DLG2: variants seen among roughly 807,000 people sequenced by gnomAD.
DLG2 encodes discs large MAGUK scaffold protein 2, also known as disks large homolog 2.
In DLG2, 45 loss-of-function variants were observed where a neutral mutation model predicts 132.5. The ratio of observed to expected loss-of-function variants is 0.34; its 90% CI spans 0.27 to 0.44. DLG2 has a LOEUF of 0.44. Among genes scored for constraint, DLG2 ranks in the 20% least tolerant of loss-of-function variants. The pLI is 1.00. For synonymous variants in DLG2, 424 were observed against 419.6 expected, an observed-to-expected ratio of 1.01 and a Z score of -0.13; for missense variants, 1,045 against 1,196.9, an observed-to-expected ratio of 0.87 and a Z score of 1.87.
chr11:83,931,439 T>A (rs1214666624), intron 14 of DLG2, among the ~76,000 whole-genome samples: 1 of 152,224 alleles, frequency 6.6e-6, no homozygotes, highest in Non-Finnish European at 1.5e-5. Context: ...TTTCTCAGTC[T>A]GATGTTGACT....
chr11:85,415,617 T>C (rs938949132), intron 3 of DLG2, among the ~76,000 whole-genome samples: 1 of 152,200 alleles, frequency 6.6e-6, no homozygotes, highest in South Asian at 2.1e-4. Flanking sequence ...CCAGTGTTGA[T>C]GAGTTTTTTT....
At chr11:85,354,065 A>C (rs921764686) in intron 3 of DLG2, among the ~76,000 whole-genome samples, 1 of 151,854 alleles carries the variant, frequency 6.6e-6, no homozygotes, top group Non-Finnish European at 1.5e-5. Flanking sequence ...ACTTGGAGGA[A>C]TCAGATGTAT....
chr11:83,966,099 A>T (rs2090132773), intron 12 of DLG2, among the ~76,000 whole-genome samples: 1 of 152,028 alleles, frequency 6.6e-6, no homozygotes, highest in South Asian at 2.1e-4. Flanking sequence ...ATTTGTGCAC[A>T]ACTCTGATAA....
intron 21 of DLG2, among the ~76,000 whole-genome samples, chr11:83,494,943 CT>C (rs2094070085): frequency 6.6e-6 from 1 of 152,184 alleles, no homozygotes; most frequent in Non-Finnish European, 1.5e-5. Flanking sequence ...GACACTCACT[CT>C]ATCTCCTGGA....
intron 4 of DLG2, among the ~76,000 whole-genome samples, chr11:85,284,199 A>T (rs976026759): frequency 6.6e-6 from 1 of 151,890 alleles, no homozygotes; most frequent in Non-Finnish European, 1.5e-5. Flanking sequence ...TAAAATTAGG[A>T]TGATGCTTAT....
intron 4 of DLG2, among the ~76,000 whole-genome samples, chr11:85,230,403 T>C (rs1460719075): frequency 6.6e-6 from 1 of 151,794 alleles, no homozygotes; most frequent in Non-Finnish European, 1.5e-5. Flanking sequence ...AGTATGCTGA[T>C]GTTGAATTAT....
rs2098757834 is a variant in DLG2, at chr11:84,383,848, CTG to C, written c.520-132559_520-132558del. 2.0e-5 allele frequency among the ~76,000 whole-genome samples: 3 copies of C among 152,126 alleles called. No individual in the cohort carries two copies. In the South Asian group the frequency reaches 6.2e-4, roughly 32 times the overall value. On this transcript the variant is annotated intron_variant, in intron 7 of 27. Transcript: ENST00000376104. ...TGTGCTTGGGCTTGACCAAAGGAAA[CTG>C]TGAAATAATAAACATGGTTTGTTTC...
chr11:85,217,413 G>T (rs954791769), intron 4 of DLG2, among the ~76,000 whole-genome samples: 1 of 151,724 alleles, frequency 6.6e-6, no homozygotes, highest in Non-Finnish European at 1.5e-5. Context: ...TGAATTGCAA[G>T]TCTTTGCAAT....
chr11:83,619,107 G>A (rs559314317), intron 19 of DLG2, among the ~76,000 whole-genome samples: 54 of 152,216 alleles, frequency 3.5e-4, no homozygotes, highest in African/African-American at 1.1e-3. Flanking sequence ...TCCTGCAATC[G>A]TCTTATCCTC....
chr11:83,490,876 G>A (rs2093801795), intron 21 of DLG2, among the ~76,000 whole-genome samples: 1 of 151,888 alleles, frequency 6.6e-6, no homozygotes, highest in Non-Finnish European at 1.5e-5. Flanking sequence ...GTGTAGTCCT[G>A]AGTCAGAAAA....
At chr11:84,720,246 C>T in intron 6 of DLG2, 1 of 983,606 alleles carries the variant, frequency 1.0e-6, no homozygotes, top group Non-Finnish European at 1.2e-6. Context: ...GAATTGTTCT[C>T]TCCCCCGAGG....
intron 7 of DLG2, among the ~76,000 whole-genome samples, chr11:84,281,317 C>A (rs1048710687): frequency 7.9e-5 from 12 of 152,020 alleles, no homozygotes; most frequent in African/African-American, 2.7e-4. Context: ...TTAAAAATTT[C>A]TGTTCTTTAA....
chr11:84,510,814 T>TTTTGTTTG (rs150351695), intron 7 of DLG2, among the ~76,000 whole-genome samples: 13 of 151,666 alleles, frequency 8.6e-5, no homozygotes, highest in Middle Eastern at 3.4e-3. Context: ...GATAACTGTT[T>TTTTGTTTG]TTTGTTTGTT....
At chr11:84,102,697 T>C (rs1338770045) in intron 9 of DLG2, among the ~76,000 whole-genome samples, 1 of 152,130 alleles carries the variant, frequency 6.6e-6, no homozygotes, top group African/African-American at 2.4e-5. Context: ...AAGGATTCTT[T>C]TGGGACTCTG....
chr11:84,755,028 T>C (rs2066671825), intron 6 of DLG2, among the ~76,000 whole-genome samples: 1 of 152,228 alleles, frequency 6.6e-6, no homozygotes, highest in Non-Finnish European at 1.5e-5. Flanking sequence ...AATTTACTTG[T>C]ATTAAAAATC....
At chr11:84,510,670 G>T (rs1290038934) in intron 7 of DLG2, among the ~76,000 whole-genome samples, 1 of 152,168 alleles carries the variant, frequency 6.6e-6, no homozygotes, top group South Asian at 2.1e-4. Context: ...AATGCTAATT[G>T]GTTGTGTTAT....
intron 5 of DLG2, among the ~76,000 whole-genome samples, chr11:85,150,090 G>C (rs1310170569): frequency 7.4e-6 from 1 of 134,724 alleles, no homozygotes; most frequent in Non-Finnish European, 1.5e-5. Context: ...CTTAATCTCA[G>C]CTCACTGCAG....
At chr11:83,654,496 G>A (rs2153527409) in intron 18 of DLG2, among the ~76,000 whole-genome samples, 1 of 152,226 alleles carries the variant, frequency 6.6e-6, no homozygotes, top group South Asian at 2.1e-4. Context: ...TCATGACTCA[G>A]AACAATTACC....
intron 4 of DLG2, among the ~76,000 whole-genome samples, chr11:85,255,026 T>G (rs2076598487): frequency 1.3e-5 from 2 of 151,912 alleles, no homozygotes. Flanking sequence ...TTATAATTGT[T>G]TATATGCCAT....
Sources: gnomAD v4.1 joint callset for allele counts (sites outside exome capture counted in the v4.1 genomes callset) on GRCh38, gnomAD v4.1.1 for gene constraint, MANE v1.5 for transcripts, NCBI Gene and HGNC (gene_info 2026-07-23, HGNC 2026-07-21) for gene names.